Variants in XRN1 observed in about 807,000 individuals in gnomAD.
XRN1 encodes the protein strand-exchange protein 1 homolog.
XRN1 carries 67 observed loss-of-function variants against 222.3 expected under a neutral mutation model. The observed-to-expected ratio is 0.30, with a 90% CI of 0.25 to 0.37. The LOEUF is 0.37. XRN1 is among the 10% of genes least tolerant of loss of function. The pLI, the probability that XRN1 is intolerant of heterozygous loss-of-function variation, is 1.00. For missense variants in XRN1, 1,707 were observed against 2,000.2 expected (o/e 0.85, Z 2.80); for synonymous variants, 643 against 652.4 (o/e 0.99, Z 0.22).
chr3:142,341,047 C>T (rs912966678), intron 33 of XRN1, among the ~76,000 whole-genome samples: 1 of 152,056 alleles, frequency 6.6e-6, no homozygotes, highest in Non-Finnish European at 1.5e-5. Flanking sequence ...ATGTAAACTA[C>T]TCTTATAACT....
intron 10 of XRN1, chr3:142,420,280 G>A (rs1420026458): frequency 6.6e-6 from 1 of 152,174 alleles, no homozygotes; most frequent in Admixed American, 6.5e-5. Context: ...CGAAATCGCA[G>A]GGCATCAGCA....
chr3:142,368,985 T>C (rs1014676958), intron 27 of XRN1, among the ~76,000 whole-genome samples: 1 of 152,124 alleles, frequency 6.6e-6, no homozygotes, highest in African/African-American at 2.4e-5. Context: ...ATTTTACCAA[T>C]GAGGAAACAG....
At chr3:142,394,369 A>G (rs1027038195) in intron 20 of XRN1, among the ~76,000 whole-genome samples, 1 of 152,204 alleles carries the variant, frequency 6.6e-6, no homozygotes, top group Non-Finnish European at 1.5e-5. Context: ...ATGTTTCATT[A>G]TAAATTATGA....
chr3:142,315,970 A>G (rs1290609828), intron 39 of XRN1, among the ~76,000 whole-genome samples: 2 of 152,174 alleles, frequency 1.3e-5, no homozygotes, highest in Non-Finnish European at 2.9e-5. Context: ...CTATTCAGAT[A>G]GAACAAAATT....
intron 39 of XRN1, among the ~76,000 whole-genome samples, chr3:142,318,021 G>A (rs1343981519): frequency 6.6e-6 from 1 of 152,030 alleles, no homozygotes; most frequent in Non-Finnish European, 1.5e-5. Context: ...AATTTAATCA[G>A]TATTATTCAC....
Position 142,312,666 on chromosome 3 carries a change from A to G in XRN1, c.4714T>C (p.Tyr1572His), listed in dbSNP as rs1212155876. The G allele has an allele frequency of 6.2e-7, 1 of 1,613,954 alleles. No homozygotes were observed. The highest frequency in any genetic ancestry group is 1.3e-5 in the African/African-American group (1 of 75,050). Residue 1572 changes from tyrosine to histidine, a missense_variant, in exon 40 of 41, where the codon TAT becomes CAT. Coordinates refer to ENST00000392981, the MANE Select transcript of XRN1 (RefSeq NM_001282857.2). ...VPGKPFHHTL[Y>H]SGTMPMAGGI... ...CCAGCCATGGGCATGGTCCCAGAAT[A>G]TAAAGTATGATGGAAGGGCTTCCCA...
intron 1 of XRN1, among the ~76,000 whole-genome samples, chr3:142,444,348 C>T (rs1224405498): frequency 6.6e-6 from 1 of 152,176 alleles, no homozygotes; most frequent in Non-Finnish European, 1.5e-5. Context: ...TGGCTCATGC[C>T]TATAATCCAA....
At position 142,426,748 on chromosome 3, in the gene XRN1, T is replaced by G; in HGVS notation, c.402A>C (p.Thr134=). 1 of 1,612,168 alleles carries G rather than the reference T, an allele frequency of 6.2e-7. No individual in the cohort carries two copies. Among genetic ancestry groups the G allele is most frequent in the Non-Finnish European group, 8.5e-7 (1 of 1,179,082 alleles). Residue 134 remains threonine, a synonymous_variant, in exon 3 of 41, where the codon ACA becomes ACC. Transcript: ENST00000392981. ...TEARFDSNCI[T]PGTEFMARLH... ...TTTGTCTCTCAGTGAATTTACCTGGTGTGATACAGTTGGAATCAAATCTGG... is the reference window on the plus strand; with the variant it reads ...TTTGTCTCTCAGTGAATTTACCTGGGGTGATACAGTTGGAATCAAATCTGG...
At chr3:142,415,453 C>A (rs2068747987) in intron 13 of XRN1, among the ~76,000 whole-genome samples, 1 of 152,168 alleles carries the variant, frequency 6.6e-6, no homozygotes, top group African/African-American at 2.4e-5. Flanking sequence ...ATTACCTAAC[C>A]TTTCTCAACC....
At chr3:142,318,749 C>G (rs1218351616) in intron 38 of XRN1, 41 bp downstream of exon 38, 1 of 1,610,630 alleles carries the variant, frequency 6.2e-7, no homozygotes, top group East Asian at 2.2e-5. Context: ...TCTATAGGGA[C>G]TAATAAAAAT....
At chr3:142,431,645 C>T (rs927731012) in intron 2 of XRN1, among the ~76,000 whole-genome samples, 1 of 149,998 alleles carries the variant, frequency 6.7e-6, no homozygotes, top group East Asian at 2.0e-4. Flanking sequence ...GGTGAAACTC[C>T]GTCTCTACTA....
chr3:142,380,183 T>C lies in XRN1; in HGVS notation c.2617-3A>G. ...ATCACATCACCTGAATCCTGAACCT[T>C]AGAAGAAAAAAAAATCACAGTATAG... is the stretch of plus-strand genomic sequence containing the variant. On this transcript the variant is annotated splice_region_variant and splice_polypyrimidine_tract_variant and intron_variant, in intron 22 of 40. Coordinates refer to ENST00000392981, the MANE Select transcript of XRN1 (RefSeq NM_001282857.2). 1 of 1,609,822 alleles carries C rather than the reference T, an allele frequency of 6.2e-7. No individual in the cohort carries two copies. The highest frequency in any genetic ancestry group is 1.7e-4 in the Middle Eastern group (1 of 6,018).
intron 39 of XRN1, among the ~76,000 whole-genome samples, chr3:142,315,098 C>G (rs1396966590): frequency 4.0e-5 from 6 of 151,624 alleles, no homozygotes; most frequent in Non-Finnish European, 8.8e-5. Context: ...CCACACTCAG[C>G]TAATTTTTTC....
chr3:142,431,892 AATATATATATTATATATATAAAT>A (rs2069574807), intron 2 of XRN1, among the ~76,000 whole-genome samples: 5 of 28,888 alleles, frequency 1.7e-4, no homozygotes, highest in African/African-American at 6.7e-4. Context: ...TATTATATAT[AATATATATATTATATATATAAAT>A]ATATATAATA....
At chr3:142,385,384 A>G (rs1303541343) in intron 20 of XRN1, among the ~76,000 whole-genome samples, 2 of 152,224 alleles carry the variant, frequency 1.3e-5, no homozygotes, top group African/African-American at 4.8e-5. Flanking sequence ...CATATATCAT[A>G]TGATTCCATT....
chr3:142,345,231 T>C (rs763803159), intron 33 of XRN1, among the ~76,000 whole-genome samples: 14 of 152,162 alleles, frequency 9.2e-5, no homozygotes, highest in Non-Finnish European at 1.6e-4. Flanking sequence ...CCTGGCTCTA[T>C]AGCCAAATAA....
chr3:142,329,465 T>C lies in XRN1; in HGVS notation c.4373A>G (p.Gln1458Arg). 6.3e-7 allele frequency: 1 copy of C among 1,591,290 alleles called. No homozygotes were observed. Among genetic ancestry groups the C allele is most frequent in the Non-Finnish European group, 8.5e-7 (1 of 1,171,932 alleles). The change falls in exon 37 of 41, where the codon CAA becomes CGA. Residue 1458 changes from glutamine to arginine, a missense_variant. By Grantham distance (43) the Gln-to-Arg change is conservative. Transcript: ENST00000392981. ...CATCCTAAGAAAGGAGAAATCAGGT[T>C]GTGGCATTCCAACAAGGGAACAAAT... ...SRICSLVGMP[Q>R]PDFSFLRMPQ...
Position 142,418,575 on chromosome 3 carries a change from T to G in XRN1, c.1275A>C (p.Leu425=). 1 of 1,608,206 alleles carries G rather than the reference T, an allele frequency of 6.2e-7. No individual in the cohort carries two copies. The stretch of plus-strand genomic sequence containing the variant: ...TATATTGTCTAAACTCAGTTTCAAA[T>G]AGGTCATCATCTTCAGTCTCATCTT... The part of the protein sequence containing the change: ...NLEDETEDDD[L]FETEFRQYKR... The change falls in exon 12 of 41, where the codon CTA becomes CTC. Residue 425 remains leucine (L), a synonymous_variant. Coordinates refer to ENST00000392981, the MANE Select transcript of XRN1 (RefSeq NM_001282857.2).
rs1039330116 is a variant in XRN1, at chr3:142,425,151, T to C, written c.627+71A>G. On this transcript the variant is annotated intron_variant, in intron 5 of 40. Coordinates refer to ENST00000392981, the MANE Select transcript of XRN1 (RefSeq NM_001282857.2). ...TTGTTGCCACAGCCAGTAAGCTTCC[T>C]GTACAAAATGAAATCTCTTAGATAT... is the stretch of plus-strand genomic sequence containing the variant. 1.3e-5 allele frequency: 14 copies of C among 1,086,384 alleles called. No individual in the cohort carries two copies. The African/African-American group carries it at 2.3e-4, about 18-fold the overall frequency. The allele number at this position is 1,086,384 out of a possible 1,614,324, so 67.3% of individuals were successfully genotyped here.
Sources: allele counts gnomAD v4.1 joint callset (sites outside exome capture counted in the v4.1 genomes callset), GRCh38; gene constraint gnomAD v4.1.1; transcripts MANE v1.5; gene names NCBI Gene and HGNC (gene_info 2026-07-23, HGNC 2026-07-21).